EXOC4: variants seen among roughly 807,000 people sequenced by gnomAD.
EXOC4 encodes exocyst complex component 4, also known as SEC8-like 1.
Under a neutral mutation model 107.2 loss-of-function variants are expected in EXOC4, and 71 were observed. The observed-to-expected ratio is 0.66, with a 90% CI of 0.55 to 0.81. The LOEUF (loss-of-function observed/expected upper bound fraction) is 0.81, where lower values mean the gene tolerates loss of function less well. Among genes scored for constraint, EXOC4 ranks in the 30% least tolerant of loss-of-function variants. EXOC4 has a pLI of 0.00. For missense variants in EXOC4, 1,108 were observed against 1,189.6 expected (o/e 0.93, Z 1.01); for synonymous variants, 456 against 441.2 (o/e 1.03, Z -0.42).
intron 10 of EXOC4, among the ~76,000 whole-genome samples, chr7:133,712,076 A>G (rs1794903413): frequency 6.6e-6 from 1 of 152,138 alleles, no homozygotes; most frequent in Non-Finnish European, 1.5e-5. Context: ...GTAAGGTGTT[A>G]CTTCAAGCCC....
chr7:133,793,389 G>A (rs926605161), intron 10 of EXOC4, among the ~76,000 whole-genome samples: 78 of 152,230 alleles, frequency 5.1e-4, no homozygotes, highest in African/African-American at 1.8e-3. Flanking sequence ...TTTACTCATG[G>A]CGTCGGGCAG....
At chr7:133,479,801 A>G in intron 8 of EXOC4, 1 of 483,832 alleles carries the variant, frequency 2.1e-6, no homozygotes, top group African/African-American at 1.9e-5. Context: ...TCACAGTTGT[A>G]CCAGTTGAAA....
chr7:133,630,022 GT>G (rs776123788), intron 9 of EXOC4, 22 bp from the exon 10 acceptor site: 8 of 1,568,004 alleles, frequency 5.1e-6, no homozygotes, highest in Middle Eastern at 3.3e-4. Flanking sequence ...AGCTAAGTCT[GT>G]TTTTTTTCTT....
intron 12 of EXOC4, among the ~76,000 whole-genome samples, chr7:133,903,528 C>A (rs1246350618): frequency 1.3e-5 from 2 of 152,120 alleles, no homozygotes; most frequent in Admixed American, 6.6e-5. Context: ...AAATAACTCT[C>A]AGGATTTTAT....
rs936358286 is a variant in EXOC4, at chr7:133,419,659, A to T, written c.1182+44657A>T. Among the ~76,000 whole-genome samples, 8 of 152,096 alleles carry T rather than the reference A, an allele frequency of 5.3e-5. No individual in the cohort carries two copies. In the East Asian group the frequency reaches 1.5e-3, roughly 29 times the overall value. ...GGCACAGGGATAACATCAAAGGCCAACCCAAATAGAAGACAGCAAATGTTG... is the reference window on the plus strand; with the variant it reads ...GGCACAGGGATAACATCAAAGGCCATCCCAAATAGAAGACAGCAAATGTTG... On this transcript the variant is annotated intron_variant, in intron 7 of 17. Transcript: ENST00000253861.
chr7:133,594,616 C>T (rs1410204073), intron 9 of EXOC4, among the ~76,000 whole-genome samples: 1 of 149,742 alleles, frequency 6.7e-6, no homozygotes, highest in Non-Finnish European at 1.5e-5. Context: ...GCCTCAGCCT[C>T]CCAAGTAGCT....
chr7:133,948,301 C>T (rs749871022), intron 14 of EXOC4, among the ~76,000 whole-genome samples: 2 of 152,168 alleles, frequency 1.3e-5, no homozygotes, highest in Admixed American at 6.5e-5. Context: ...AACTCCTCAC[C>T]AGAGAAAGAG....
chr7:133,941,443 T>C (rs1408665652), intron 14 of EXOC4, among the ~76,000 whole-genome samples: 3 of 152,202 alleles, frequency 2.0e-5, no homozygotes, highest in Non-Finnish European at 4.4e-5. Flanking sequence ...GGCTATACAT[T>C]GTTCAGGAGG....
intron 13 of EXOC4, among the ~76,000 whole-genome samples, chr7:133,919,221 T>C (rs1799882416): frequency 6.6e-6 from 1 of 152,208 alleles, no homozygotes; most frequent in Non-Finnish European, 1.5e-5. Context: ...CTTTATTTTT[T>C]GAAGGAGCAA....
chr7:133,520,470 A>G, intron 9 of EXOC4, among the ~76,000 whole-genome samples: 1 of 152,126 alleles, frequency 6.6e-6, no homozygotes, highest in East Asian at 1.9e-4. Context: ...GCATTTGTTA[A>G]TCGATGAAGC....
At chr7:133,920,096 A>C (rs75483746) in intron 13 of EXOC4, among the ~76,000 whole-genome samples, 1 of 152,210 alleles carries the variant, frequency 6.6e-6, no homozygotes, top group African/African-American at 2.4e-5. Context: ...GAATGTGTAG[A>C]GATATCTCAT....
intron 12 of EXOC4, among the ~76,000 whole-genome samples, chr7:133,917,329 GT>G (rs1554420441): frequency 7.2e-5 from 11 of 152,254 alleles, no homozygotes; most frequent in Non-Finnish European, 1.5e-5. Flanking sequence ...ATCAAATATG[GT>G]AAGAGGAGCT....
intron 7 of EXOC4, among the ~76,000 whole-genome samples, chr7:133,436,841 G>C (rs1797987628): frequency 6.6e-6 from 1 of 152,068 alleles, no homozygotes; most frequent in South Asian, 2.1e-4. Context: ...TGCTTGTGTG[G>C]ATAATTACTT....
Position 133,649,058 on chromosome 7 carries a change from A to C in EXOC4, c.1514+18917A>C, listed in dbSNP as rs564761049. Among the ~76,000 whole-genome samples, 17 of 152,288 alleles carry C rather than the reference A, an allele frequency of 1.1e-4. No individual in the cohort carries two copies. In the South Asian group the frequency reaches 3.5e-3, roughly 32 times the overall value. On this transcript the variant is annotated intron_variant, in intron 10 of 17. Transcript: ENST00000253861. ...GCCTCAGTATACCACTCATACAGGG[A>C]AAAGTCACCTTGGCTTTTAAATTTA...
the EXOC4 span, among the ~76,000 whole-genome samples, chr7:134,100,236 C>CT: frequency 1.3e-5 from 2 of 149,392 alleles, no homozygotes; most frequent in African/African-American, 4.9e-5. Flanking sequence ...CGTGTGAAGA[C>CT]TTGAGTTCTG....
chr7:133,676,370 G>A (rs1794057656), intron 10 of EXOC4, among the ~76,000 whole-genome samples: 2 of 152,142 alleles, frequency 1.3e-5, no homozygotes, highest in Non-Finnish European at 2.9e-5. Context: ...GAATGGGACC[G>A]AGTATGCCTA....
intron 7 of EXOC4, among the ~76,000 whole-genome samples, chr7:133,467,750 A>AT (rs910010715): frequency 6.1e-5 from 9 of 147,406 alleles, no homozygotes; most frequent in South Asian, 2.1e-4. Flanking sequence ...CTGTGCCTTC[A>AT]TTTTTTTTTG....
intron 11 of EXOC4, among the ~76,000 whole-genome samples, chr7:133,821,351 C>T (rs765139325): frequency 6.6e-6 from 1 of 152,140 alleles, no homozygotes; most frequent in Non-Finnish European, 1.5e-5. Flanking sequence ...CAAACCCAGG[C>T]GATGCAACCC....
chr7:133,965,284 G>C (rs557796581), intron 14 of EXOC4, among the ~76,000 whole-genome samples: 3 of 152,168 alleles, frequency 2.0e-5, no homozygotes, highest in African/African-American at 7.2e-5. Flanking sequence ...TAGGTTGCCT[G>C]TTCACTCTGA....
Sources: allele counts gnomAD v4.1 joint callset (sites outside exome capture counted in the v4.1 genomes callset), GRCh38; gene constraint gnomAD v4.1.1; transcripts MANE v1.5; gene names NCBI Gene and HGNC (gene_info 2026-07-23, HGNC 2026-07-21).